Variants in SGCZ observed in about 807,000 individuals in gnomAD.
SGCZ encodes sarcoglycan zeta.
SGCZ carries 40 observed loss-of-function variants against 41.3 expected under a neutral mutation model. The observed-to-expected ratio is 0.97, with a 90% CI of 0.75 to 1.26. The LOEUF (loss-of-function observed/expected upper bound fraction) is 1.26. Ranked by LOEUF, SGCZ falls within the 50% of genes most tolerant of loss-of-function variation. The pLI, the probability that SGCZ is intolerant of heterozygous loss-of-function variation, is 0.00. For synonymous variants in SGCZ, 206 were observed against 137.5 expected, an observed-to-expected ratio of 1.50 and a Z score of -3.49; for missense variants, 552 against 369.8, an observed-to-expected ratio of 1.49 and a Z score of -4.04.
intron 1 of SGCZ, among the ~76,000 whole-genome samples, chr8:14,559,078 G>A (rs920730872): frequency 6.6e-6 from 1 of 152,014 alleles, no homozygotes; most frequent in African/African-American, 2.4e-5. Flanking sequence ...ACAAGATAAG[G>A]ATGTCCCCTC....
intron 2 of SGCZ, among the ~76,000 whole-genome samples, chr8:14,476,809 T>A (rs1262107942): frequency 6.6e-6 from 1 of 152,156 alleles, no homozygotes; most frequent in Non-Finnish European, 1.5e-5. Flanking sequence ...GACTTCTGCA[T>A]ACATACTTTT....
chr8:15,205,677 G>T (rs540940940), intron 1 of SGCZ, among the ~76,000 whole-genome samples: 5 of 152,162 alleles, frequency 3.3e-5, no homozygotes, highest in Non-Finnish European at 7.4e-5. Flanking sequence ...ATGTAAATTA[G>T]TTCAACCATT....
chr8:14,778,350 G>A (rs534261108), intron 1 of SGCZ, among the ~76,000 whole-genome samples: 2 of 152,240 alleles, frequency 1.3e-5, no homozygotes, highest in African/African-American at 2.4e-5. Flanking sequence ...GGTCACTTGA[G>A]GACCTAAATG....
At chr8:15,092,780 C>A (rs576358241) in intron 1 of SGCZ, among the ~76,000 whole-genome samples, 1 of 152,220 alleles carries the variant, frequency 6.6e-6, no homozygotes, top group Non-Finnish European at 1.5e-5. Flanking sequence ...TAAAATTCAT[C>A]CTGATGGAAA....
chr8:14,943,483 C>T (rs1024681420), intron 1 of SGCZ, among the ~76,000 whole-genome samples: 1 of 152,166 alleles, frequency 6.6e-6, no homozygotes, highest in Non-Finnish European at 1.5e-5. Flanking sequence ...CCTCCCTGCA[C>T]AGGCCAGCTG....
chr8:14,428,265 TTAATA>T (rs1158348470), intron 2 of SGCZ, among the ~76,000 whole-genome samples: 2 of 151,890 alleles, frequency 1.3e-5, no homozygotes, highest in African/African-American at 4.8e-5. Context: ...GGTAAATATA[TTAATA>T]TAATAAACGT....
chr8:15,183,211 G>C (rs1385649345), intron 1 of SGCZ, among the ~76,000 whole-genome samples: 1 of 152,116 alleles, frequency 6.6e-6, no homozygotes, highest in Admixed American at 6.5e-5. Flanking sequence ...CAATAGTATA[G>C]TAAATACATA....
intron 1 of SGCZ, among the ~76,000 whole-genome samples, chr8:15,132,328 C>T (rs979490196): frequency 6.6e-6 from 1 of 152,140 alleles, no homozygotes; most frequent in Non-Finnish European, 1.5e-5. Context: ...TGCCTGAGTC[C>T]ACTGTCTTCA....
intron 2 of SGCZ, among the ~76,000 whole-genome samples, chr8:14,380,161 T>C (rs547926525): frequency 8.5e-5 from 13 of 152,350 alleles, no homozygotes; most frequent in African/African-American, 2.9e-4. Flanking sequence ...CCAATTGATA[T>C]ATGCAAGCTT....
rs377331336 is a variant in SGCZ, at chr8:14,243,412, A to G, written c.337-5733T>C. ...CTTCTCTAACAGATTTAAAACTCAC[A>G]TCGCAATAACCACTCGATTTTTCAT... is the stretch of plus-strand genomic sequence containing the variant. On this transcript the variant is annotated intron_variant, in intron 3 of 7. Coordinates refer to ENST00000382080, the MANE Select transcript of SGCZ (RefSeq NM_139167.4). Among the ~76,000 whole-genome samples, 14 of 152,334 alleles carry G rather than the reference A, an allele frequency of 9.2e-5. No individual in the cohort carries two copies. The East Asian group carries it at 2.7e-3, about 29-fold the overall frequency.
intron 3 of SGCZ, among the ~76,000 whole-genome samples, chr8:14,246,284 A>G (rs527358985): frequency 8.5e-5 from 13 of 152,320 alleles, no homozygotes; most frequent in Admixed American, 7.8e-4. Flanking sequence ...TGATGAGTTC[A>G]TGTCCTTTGT....
intron 1 of SGCZ, among the ~76,000 whole-genome samples, chr8:15,100,653 A>C (rs1171440752): frequency 6.6e-6 from 1 of 152,192 alleles, no homozygotes; most frequent in East Asian, 1.9e-4. Context: ...ATACTGAAGG[A>C]AAATAAAGTT....
rs377328093 is a variant in SGCZ at position 14,598,551 on chromosome 8, A to C, written c.40-43625T>G. Among the ~76,000 whole-genome samples the C allele has an allele frequency of 7.2e-4, 109 of 151,804 alleles. 1 individual carries two copies. The highest frequency in any genetic ancestry group is 2.4e-3 in the African/African-American group (99 of 41,414). Reference sequence around the variant, plus strand: ...TACATAGCTTTTTTTTTTCCTAGACAGGGGTCCACTCTGTAGCCAGGCTGG... The same window carrying C: ...TACATAGCTTTTTTTTTTCCTAGACCGGGGTCCACTCTGTAGCCAGGCTGG... On this transcript the variant is annotated intron_variant, in intron 1 of 7. Transcript: ENST00000382080.
At chr8:15,151,668 C>A (rs1799183308) in intron 1 of SGCZ, among the ~76,000 whole-genome samples, 1 of 152,118 alleles carries the variant, frequency 6.6e-6, no homozygotes, top group Admixed American at 6.5e-5. Context: ...TATACACATA[C>A]ATAAAGAGCC....
At chr8:14,756,455 G>A (rs1030641221) in intron 1 of SGCZ, among the ~76,000 whole-genome samples, 11 of 152,150 alleles carry the variant, frequency 7.2e-5, no homozygotes, top group African/African-American at 2.2e-4. Flanking sequence ...AAAGTGGTGG[G>A]ATTACAGGCT....
intron 2 of SGCZ, among the ~76,000 whole-genome samples, chr8:14,514,825 G>T (rs201297551): frequency 7.4e-6 from 1 of 135,638 alleles, no homozygotes; most frequent in African/African-American, 2.7e-5. Context: ...ATATATACAC[G>T]CACACACACA....
chr8:14,729,488 G>A (rs1029724583), intron 1 of SGCZ, among the ~76,000 whole-genome samples: 3 of 152,180 alleles, frequency 2.0e-5, no homozygotes, highest in South Asian at 2.1e-4. Context: ...CACGACTGGT[G>A]TCTTTAAATA....
intron 2 of SGCZ, among the ~76,000 whole-genome samples, chr8:14,494,976 G>T (rs1801948873): frequency 6.6e-6 from 1 of 152,074 alleles, no homozygotes; most frequent in Non-Finnish European, 1.5e-5. Flanking sequence ...GGTAATTTGG[G>T]GAATGTGTCT....
rs1441832304 is a variant in SGCZ at position 14,624,492 on chromosome 8, T to C, written c.40-69566A>G. On this transcript the variant is annotated intron_variant, in intron 1 of 7. Transcript: ENST00000382080. ...GAAGCGCAATAATTTTTTCTATGCA[T>C]GTCCATAAGAGCAAAGGAATTGTAA... 1.3e-5 allele frequency among the ~76,000 whole-genome samples: 2 copies of C among 150,750 alleles called. 1 individual carries two copies. Among genetic ancestry groups the C allele is most frequent in the South Asian group, 4.2e-4 (2 of 4,798 alleles).
Sources: gnomAD v4.1 joint callset for allele counts (sites outside exome capture counted in the v4.1 genomes callset) on GRCh38, gnomAD v4.1.1 for gene constraint, MANE v1.5 for transcripts, NCBI Gene and HGNC (gene_info 2026-07-23, HGNC 2026-07-21) for gene names.